Variants in NISCH observed in about 807,000 individuals in gnomAD.
The protein encoded by NISCH is I-1 receptor candidate protein.
NISCH carries 55 observed loss-of-function variants against 138.4 expected under a neutral mutation model. The observed-to-expected ratio is 0.40, with a 90% confidence interval of 0.32 to 0.50. The LOEUF (loss-of-function observed/expected upper bound fraction) is 0.50, where lower values mean the gene tolerates loss of function less well. NISCH is among the 20% of genes least tolerant of loss of function. The probability of loss-of-function intolerance (pLI) is 0.71; values close to 1 mark genes in which losing one functional copy is unlikely to be tolerated. For missense variants in NISCH, 1,643 were observed against 2,005.5 expected, an observed-to-expected ratio of 0.82 and a Z score of 3.45; for synonymous variants, 860 against 861.5, an observed-to-expected ratio of 1.00 and a Z score of 0.03.
chr3:52,471,720 C>T, intron 4 of NISCH, 94 bp from the exon 5 acceptor site: 1 of 1,437,304 alleles, frequency 7.0e-7, no homozygotes, highest in Middle Eastern at 1.8e-4. Flanking sequence ...TGGGTGCTTG[C>T]CAACTGCTTG....
chr3:52,487,477 T>TGGA lies in NISCH; in HGVS notation c.1997_1999dup (p.Glu666dup), dbSNP rs757970630. ...TACTTTGAAATGGGGCCCCCAGACG[T>TGGA]GGAGGAGGAGGAGGGAGGAGGCCAG... On this transcript the variant is annotated inframe_insertion, in exon 16 of 21. Coordinates refer to ENST00000345716, the MANE Select transcript of NISCH (RefSeq NM_007184.4). The surrounding 1 kb of genome is among the most constrained non-coding windows in gnomAD (Gnocchi z 9.1). 12 of 1,593,600 alleles carry TGGA rather than the reference T, an allele frequency of 7.5e-6. No homozygotes were observed. The highest frequency in any genetic ancestry group is 2.2e-5 in the East Asian group (1 of 44,542).
At chr3:52,490,272 G>A (rs1425166884) in intron 18 of NISCH, 41 bp downstream of exon 18, 1 of 1,604,268 alleles carries the variant, frequency 6.2e-7, no homozygotes, top group East Asian at 2.2e-5. Flanking sequence ...CTTGGAGTGT[G>A]TGGTTGGGGC....
chr3:52,466,329 G>A (rs1345981731), intron 3 of NISCH, among the ~76,000 whole-genome samples: 2 of 152,082 alleles, frequency 1.3e-5, no homozygotes, highest in African/African-American at 4.8e-5. Context: ...ACTTTGGGAG[G>A]CTGAGGCAGA....
chr3:52,470,781 G>T, intron 3 of NISCH, 78 bp from the exon 4 acceptor site: 2 of 1,163,766 alleles, frequency 1.7e-6, no homozygotes, highest in Non-Finnish European at 2.6e-6. Flanking sequence ...ACAACAGAGG[G>T]GATAGATAGC....
Position 52,488,438 on chromosome 3 carries a change from T to C in NISCH, c.2946T>C (p.Thr982=), listed in dbSNP as rs1707469109. 1 of 1,613,794 alleles carries C rather than the reference T, an allele frequency of 6.2e-7. No individual in the cohort carries two copies. Among genetic ancestry groups the C allele is most frequent in the Non-Finnish European group, 8.5e-7 (1 of 1,180,008 alleles). ...TGCTCGTGGGGTACCGCTTTGTCAC[T>C]GCCATCTTCGTGCTGCCCCACGAGA... ...LELLVGYRFV[T]AIFVLPHEKF... The change falls in exon 16 of 21, where the codon ACT becomes ACC. Residue 982 remains threonine (T), a synonymous_variant. Coordinates refer to ENST00000345716, the MANE Select transcript of NISCH (RefSeq NM_007184.4).
At chr3:52,470,714 A>G in intron 3 of NISCH, 145 bp from the exon 4 acceptor site, 1 of 718,116 alleles carries the variant, frequency 1.4e-6, no homozygotes, top group Non-Finnish European at 2.5e-6. Context: ...TTCTTGCTTC[A>G]TTGTAGGTTT....
chr3:52,481,037 G>A (rs1707256910), intron 13 of NISCH: 1 of 1,374,318 alleles, frequency 7.3e-7, no homozygotes, highest in Non-Finnish European at 9.4e-7. Context: ...CGCAGAACTT[G>A]GTGTGAGGTC....
At chr3:52,490,031 G>T in intron 17 of NISCH, 44 bp from the exon 18 acceptor site, 1 of 1,610,450 alleles carries the variant, frequency 6.2e-7, no homozygotes, top group Non-Finnish European at 8.5e-7. Flanking sequence ...GGTATGTGCA[G>T]GTTGCTAGGG....
chr3:52,468,277 G>A (rs1396924485), intron 3 of NISCH, among the ~76,000 whole-genome samples: 3 of 152,076 alleles, frequency 2.0e-5, no homozygotes, highest in African/African-American at 4.8e-5. Context: ...GAAGTGTGCC[G>A]TTGAAAATGA....
At chr3:52,471,490 T>C in intron 4 of NISCH, 1 of 451,536 alleles carries the variant, frequency 2.2e-6, no homozygotes, top group South Asian at 2.6e-5. Flanking sequence ...GCAGCATAGG[T>C]GTGTCACCCA....
At position 52,487,241 on chromosome 3, in the gene NISCH, C is replaced by T. The variant is rs559797727; in HGVS notation, c.1749C>T (p.Gly583=). 1.1e-5 allele frequency: 18 copies of T among 1,614,132 alleles called. No individual in the cohort carries two copies. In the Admixed American group the frequency reaches 1.8e-4, roughly 16 times the overall value. Residue 583 remains glycine, a synonymous_variant, in exon 16 of 21, where the codon GGC becomes GGT. Coordinates refer to ENST00000345716, the MANE Select transcript of NISCH (RefSeq NM_007184.4). The surrounding 1 kb of genome is among the most constrained non-coding windows in gnomAD (Gnocchi z 9.1). ...AGGTCCAGGTGGTGCCGGGGTCTGG[C>T]CAGATCATCTTCCTGCCCTTCACCT... ...EPEVQVVPGS[G]QIIFLPFTCI...
At chr3:52,462,443 A>C (rs1284493671) in intron 3 of NISCH, among the ~76,000 whole-genome samples, 1 of 152,108 alleles carries the variant, frequency 6.6e-6, no homozygotes. Flanking sequence ...AAACCACTGG[A>C]TTAGATCTTC....
intron 3 of NISCH, among the ~76,000 whole-genome samples, chr3:52,464,734 AG>A (rs1559624912): frequency 1.3e-5 from 2 of 152,154 alleles, no homozygotes; most frequent in Admixed American, 6.5e-5. Context: ...CATGTTGGCC[AG>A]GCTGGTCTTG....
At chr3:52,482,953 A>G (rs141112340) in intron 13 of NISCH, among the ~76,000 whole-genome samples, 58 of 152,274 alleles carry the variant, frequency 3.8e-4, no homozygotes, top group African/African-American at 1.2e-3. Flanking sequence ...CTGGAGGAGA[A>G]CAGGGTAGGA....
Position 52,472,395 on chromosome 3 carries a change from G to A in NISCH, c.666G>A (p.Val222=). ...CAATATTCAAGTCCCTGCATCAGGT[G>A]GAGGTAAGGCCCAGCGCTGCACAGC... ...DLSIFKSLHQ[V]EISHCDAKHI... is the part of the protein sequence containing the mutation. The change falls in exon 6 of 21, where the codon GTG becomes GTA. Residue 222 remains valine (V), a synonymous_variant. Coordinates refer to ENST00000345716, the MANE Select transcript of NISCH (RefSeq NM_007184.4). 6.2e-7 allele frequency: 1 copy of A among 1,613,832 alleles called. No individual in the cohort carries two copies. Among genetic ancestry groups the A allele is most frequent in the Non-Finnish European group, 8.5e-7 (1 of 1,179,772 alleles).
intron 3 of NISCH, chr3:52,470,617 C>G: frequency 1.7e-6 from 1 of 573,608 alleles, no homozygotes. Context: ...GGACTGGAGT[C>G]GCAGCATTAG....
Position 52,492,014 on chromosome 3 carries a change from G to A in NISCH, c.4047G>A (p.Leu1349=), listed in dbSNP as rs745852727. ...AGGCCCCAGCCCTCAGCATCCTGCT[G>A]TACGTGCAGGCCTTCCAGGTGGGCA... is the stretch of plus-strand genomic sequence containing the variant. The part of the protein sequence containing the change: ...PEKAPALSIL[L]YVQAFQVGMP... The change falls in exon 21 of 21, where the codon CTG becomes CTA. Residue 1349 remains leucine (L), a synonymous_variant. Coordinates refer to ENST00000345716, the MANE Select transcript of NISCH (RefSeq NM_007184.4). 3 of 1,613,362 alleles carry A rather than the reference G, an allele frequency of 1.9e-6. No individual in the cohort carries two copies. The highest frequency in any genetic ancestry group is 2.2e-5 in the East Asian group (1 of 44,892).
Position 52,461,061 on chromosome 3 carries a change from G to A in NISCH, c.360+2217G>A, listed in dbSNP as rs140890212. Among the ~76,000 whole-genome samples, 1,049 of 152,234 alleles carry A rather than the reference G, an allele frequency of 6.9e-3. 20 individuals are homozygous for A. Among genetic ancestry groups the A allele is most frequent in the African/African-American group, 0.024 (1,005 of 41,542 alleles). ...TCGAGACCAGCCTGGCCAACATAGC[G>A]AAACCCTGTCGCTACTAAAAATACA... On this transcript the variant is annotated intron_variant, in intron 3 of 20. Coordinates refer to ENST00000345716, the MANE Select transcript of NISCH (RefSeq NM_007184.4).
chr3:52,485,542 C>T (rs1202177799), intron 14 of NISCH, among the ~76,000 whole-genome samples: 1 of 152,170 alleles, frequency 6.6e-6, no homozygotes, highest in Non-Finnish European at 1.5e-5. Context: ...CCCTAGGTTG[C>T]GAGTGGGAAT....
Sources: gnomAD v4.1 joint callset for allele counts (sites outside exome capture counted in the v4.1 genomes callset) on GRCh38, gnomAD v4.1.1 for gene constraint, Gnocchi (gnomAD v3.1) non-coding constraint, MANE v1.5 for transcripts, NCBI Gene and HGNC (gene_info 2026-07-23, HGNC 2026-07-21) for gene names.